C14orf132: variants seen among roughly 807,000 people sequenced by gnomAD.
The protein encoded by C14orf132 is chromosome 14 open reading frame 132, also known as uncharacterized protein C14orf132.
Under a neutral mutation model 5.8 loss-of-function variants are expected in C14orf132, and 6 were observed. The ratio of observed to expected loss-of-function variants is 1.03; its 90% CI spans 0.57 to 2.04. The LOEUF is 2.04. Among genes scored for constraint, C14orf132 ranks in the 30% most tolerant of loss-of-function variants. The pLI is 0.00. For synonymous variants in C14orf132, 51 were observed against 49.8 expected, an observed-to-expected ratio of 1.02 and a Z score of -0.10; for missense variants, 125 against 115.8, an observed-to-expected ratio of 1.08 and a Z score of -0.37.
At chr14:96,055,815 C>T (rs1049714451) in intron 1 of C14orf132, among the ~76,000 whole-genome samples, 1 of 152,180 alleles carries the variant, frequency 6.6e-6, no homozygotes, top group Non-Finnish European at 1.5e-5. Flanking sequence ...AATCTCTTTC[C>T]TTCACTATCC....
intron 1 of C14orf132, among the ~76,000 whole-genome samples, chr14:96,048,115 G>A (rs1286964470): frequency 6.6e-6 from 1 of 152,172 alleles, no homozygotes; most frequent in African/African-American, 2.4e-5. Flanking sequence ...TTGAACCTGG[G>A]AGGCAGAGGT....
At position 96,093,669 on chromosome 14, in the gene C14orf132, G is replaced by A. The variant is rs1888491021; in HGVS notation, c.*6934G>A. 1 of 152,066 alleles carries A rather than the reference G, an allele frequency of 6.6e-6. No homozygotes were observed. The highest frequency in any genetic ancestry group is 1.5e-5 in the Non-Finnish European group (1 of 68,022). The allele number at this position is 152,066 out of a possible 1,614,324, so 9.4% of individuals were successfully genotyped here. Reference sequence around the variant, plus strand: ...CATAAAAGGTATTTTAACTATTCTTGGAGTCCTTTGCTACCCAAGCACCTG... The same window carrying A: ...CATAAAAGGTATTTTAACTATTCTTAGAGTCCTTTGCTACCCAAGCACCTG... On this transcript the variant is annotated 3_prime_UTR_variant, in exon 2 of 2. Transcript: ENST00000555004.
rs145994650 is a variant in C14orf132, at chr14:96,086,712, G to A, written c.229G>A (p.Val77Met). The A allele has an allele frequency of 9.3e-5, 143 of 1,536,162 alleles. No individual in the cohort carries two copies. Among genetic ancestry groups the A allele is most frequent in the Middle Eastern group, 1.7e-4 (1 of 5,988 alleles). ...ATLGNIVVVG[V>M]VYAFTF ...GCTGGGGAACATCGTGGTGGTGGGC[G>A]TGGTGTATGCCTTCACCTTCTGAGG... Residue 77 changes from valine (V) to methionine (M), a missense_variant, in exon 2 of 2, where the codon GTG (valine) becomes ATG (methionine). By Grantham distance (21) the Val-to-Met change is conservative. Transcript: ENST00000555004.
intron 1 of C14orf132, among the ~76,000 whole-genome samples, chr14:96,082,722 G>A (rs1430238536): frequency 6.6e-6 from 1 of 152,162 alleles, no homozygotes; most frequent in Non-Finnish European, 1.5e-5. Context: ...CCTCACTTTA[G>A]CTTAAGCAGC....
intron 1 of C14orf132, among the ~76,000 whole-genome samples, chr14:96,063,875 T>TA (rs550993321): frequency 7.9e-5 from 12 of 151,194 alleles, no homozygotes; most frequent in East Asian, 1.9e-4. Flanking sequence ...AAATCAGTAA[T>TA]AAAAAAAATA....
chr14:96,051,238 A>G, intron 1 of C14orf132: 1 of 398,590 alleles, frequency 2.5e-6, no homozygotes, highest in Admixed American at 4.4e-5. Flanking sequence ...CTGTGACAGG[A>G]TGTTCCATGA....
At chr14:96,049,599 C>CGTATATAT (rs1491178234) in intron 1 of C14orf132, among the ~76,000 whole-genome samples, 4 of 108,698 alleles carry the variant, frequency 3.7e-5, no homozygotes, top group African/African-American at 1.1e-4. Context: ...TACATATATA[C>CGTATATAT]GTATATATAT....
rs139256441 is a variant in C14orf132 at position 96,061,994 on chromosome 14, A to G, written c.27+22467A>G. 6.1e-4 allele frequency among the ~76,000 whole-genome samples: 93 copies of G among 152,294 alleles called. 1 individual carries two copies. In the East Asian group the frequency reaches 0.017, roughly 27 times the overall value. On this transcript the variant is annotated intron_variant, in intron 1 of 1. Coordinates refer to ENST00000555004, the MANE Select transcript of C14orf132 (RefSeq NM_001252507.3). ...TTTCTTACAAATGCTCAACAGAACAATTATTCTAATATTTTGTCTTCTATC... is the reference window on the plus strand; with the variant it reads ...TTTCTTACAAATGCTCAACAGAACAGTTATTCTAATATTTTGTCTTCTATC...
intron 1 of C14orf132, among the ~76,000 whole-genome samples, chr14:96,082,186 T>C (rs1208052456): frequency 6.6e-6 from 1 of 152,196 alleles, no homozygotes; most frequent in Non-Finnish European, 1.5e-5. Flanking sequence ...GTGGCCACCC[T>C]TGCCCACTGG....
intron 1 of C14orf132, among the ~76,000 whole-genome samples, chr14:96,042,869 G>C (rs975281886): frequency 6.6e-6 from 1 of 152,216 alleles, no homozygotes; most frequent in African/African-American, 2.4e-5. Flanking sequence ...TGACTCTGGA[G>C]GATGTGAACA....
chr14:96,073,748 T>C (rs933643522), intron 1 of C14orf132, among the ~76,000 whole-genome samples: 6 of 152,232 alleles, frequency 3.9e-5, no homozygotes, highest in Non-Finnish European at 2.9e-5. Flanking sequence ...TGTATGTTCA[T>C]TGCAGCACTA....
chr14:96,080,047 TTAAG>T (rs1159357944), intron 1 of C14orf132, among the ~76,000 whole-genome samples: 1 of 152,236 alleles, frequency 6.6e-6, no homozygotes, highest in Non-Finnish European at 1.5e-5. Context: ...AAATTCGAAT[TTAAG>T]TAGGCATCTT....
At chr14:96,057,501 C>T (rs1393807945) in intron 1 of C14orf132, among the ~76,000 whole-genome samples, 4 of 152,210 alleles carry the variant, frequency 2.6e-5, no homozygotes, top group African/African-American at 4.8e-5. Context: ...CTGGAGCTGC[C>T]TGTCACTCTG....
intron 1 of C14orf132, among the ~76,000 whole-genome samples, chr14:96,044,767 T>C (rs889687363): frequency 5.3e-5 from 8 of 152,198 alleles, no homozygotes; most frequent in African/African-American, 1.9e-4. Flanking sequence ...GCCTGCATCG[T>C]CATGTGGCAT....
At chr14:96,042,343 G>A (rs573172259) in intron 1 of C14orf132, among the ~76,000 whole-genome samples, 21 of 152,318 alleles carry the variant, frequency 1.4e-4, no homozygotes, top group African/African-American at 4.6e-4. Context: ...TAAGGCAGTG[G>A]GAGCCATTGC....
intron 1 of C14orf132, among the ~76,000 whole-genome samples, chr14:96,058,764 CT>C (rs1240691099): frequency 1.3e-5 from 2 of 152,230 alleles, no homozygotes; most frequent in African/African-American, 4.8e-5. Flanking sequence ...TGGCCCAGCT[CT>C]CCCAGGTGCC....
intron 1 of C14orf132, among the ~76,000 whole-genome samples, chr14:96,074,933 G>A (rs991652862): frequency 6.6e-6 from 1 of 151,878 alleles, no homozygotes; most frequent in African/African-American, 2.4e-5. Context: ...GTTTGAATCA[G>A]CTTGTTGGCA....
intron 1 of C14orf132, among the ~76,000 whole-genome samples, chr14:96,057,755 T>C (rs1037957109): frequency 6.6e-6 from 1 of 152,164 alleles, no homozygotes; most frequent in African/African-American, 2.4e-5. Context: ...AATCACGTGG[T>C]GCTAGTAGAC....
At chr14:96,054,668 C>T (rs1418178421) in intron 1 of C14orf132, among the ~76,000 whole-genome samples, 1 of 152,148 alleles carries the variant, frequency 6.6e-6, no homozygotes, top group African/African-American at 2.4e-5. Context: ...CTGTATATCC[C>T]CCTCCGCATC....
Sources: allele counts gnomAD v4.1 joint callset (sites outside exome capture counted in the v4.1 genomes callset), GRCh38; gene constraint gnomAD v4.1.1; transcripts MANE v1.5; gene names NCBI Gene and HGNC (gene_info 2026-07-23, HGNC 2026-07-21).